Variants in MLLT3 observed in about 807,000 individuals in gnomAD.
MLLT3 encodes MLLT3 super elongation complex subunit.
Under a neutral mutation model 53.2 loss-of-function variants are expected in MLLT3, and 4 were observed. The observed-to-expected ratio is 0.08, with a 90% CI of 0.04 to 0.17. The LOEUF is 0.17. Among genes scored for constraint, MLLT3 ranks in the 10% least tolerant of loss-of-function variants. The probability of loss-of-function intolerance (pLI) is 1.00; values close to 1 mark genes in which losing one functional copy is unlikely to be tolerated. For missense variants in MLLT3, 569 were observed against 684.0 expected (o/e 0.83, Z 1.87); for synonymous variants, 283 against 230.6 (o/e 1.23, Z -2.06).
intron 4 of MLLT3, 152 bp downstream of exon 4, chr9:20,447,971 G>C: frequency 1.4e-6 from 1 of 713,220 alleles, no homozygotes; most frequent in Non-Finnish European, 2.2e-6. Flanking sequence ...CTCAACACAT[G>C]AATCCACAGC....
At chr9:20,420,339 G>A (rs563521513) in intron 4 of MLLT3, among the ~76,000 whole-genome samples, 29 of 152,208 alleles carry the variant, frequency 1.9e-4, no homozygotes, top group African/African-American at 6.7e-4. Flanking sequence ...ACAAAGATCA[G>A]ATAAAGGCTG....
intron 2 of MLLT3, among the ~76,000 whole-genome samples, chr9:20,587,926 T>G (rs1428059140): frequency 2.6e-5 from 4 of 152,008 alleles, no homozygotes; most frequent in Non-Finnish European, 5.9e-5. Flanking sequence ...CATGCCTATG[T>G]CCTGAATGGT....
At chr9:20,351,356 G>A (rs988305427) in intron 10 of MLLT3, among the ~76,000 whole-genome samples, 21 of 152,198 alleles carry the variant, frequency 1.4e-4, no homozygotes, top group Non-Finnish European at 2.8e-4. Context: ...GAGCTGAATT[G>A]CTGGGGAGGT....
At chr9:20,353,715 T>C (rs1450258796) in intron 9 of MLLT3, 119 bp from the exon 10 acceptor site, 5 of 828,542 alleles carry the variant, frequency 6.0e-6, no homozygotes, top group Admixed American at 3.7e-5. Context: ...ATTACACCAC[T>C]CTAGCCCAGG....
intron 4 of MLLT3, among the ~76,000 whole-genome samples, chr9:20,428,954 TTAA>T (rs1823199595): frequency 6.6e-6 from 1 of 152,120 alleles, no homozygotes; most frequent in Non-Finnish European, 1.5e-5. Flanking sequence ...GAATCCTGTA[TTAA>T]TATCAGATAA....
intron 2 of MLLT3, among the ~76,000 whole-genome samples, chr9:20,586,107 C>G (rs1203726255): frequency 6.6e-6 from 1 of 152,178 alleles, no homozygotes; most frequent in Non-Finnish European, 1.5e-5. Flanking sequence ...CACTTGCACT[C>G]AGGAGTTTGC....
At chr9:20,369,184 T>C (rs945522289) in intron 5 of MLLT3, among the ~76,000 whole-genome samples, 2 of 152,176 alleles carry the variant, frequency 1.3e-5, no homozygotes, top group African/African-American at 4.8e-5. Context: ...CAGAGACCGA[T>C]AATCACAGAA....
At chr9:20,580,111 A>G (rs1819754148) in intron 2 of MLLT3, among the ~76,000 whole-genome samples, 1 of 152,128 alleles carries the variant, frequency 6.6e-6, no homozygotes, top group Non-Finnish European at 1.5e-5. Context: ...CACAGTACAA[A>G]AAGTCTACTC....
intron 2 of MLLT3, among the ~76,000 whole-genome samples, chr9:20,615,424 T>C (rs1029394214): frequency 1.1e-5 from 1 of 91,962 alleles, no homozygotes; most frequent in African/African-American, 3.9e-5. Flanking sequence ...AGCTATAAAA[T>C]ATGCCCAGAA....
intron 2 of MLLT3, among the ~76,000 whole-genome samples, chr9:20,466,711 C>G (rs1019494043): frequency 2.0e-5 from 3 of 152,190 alleles, no homozygotes; most frequent in Non-Finnish European, 2.9e-5. Flanking sequence ...CTCTCATGGT[C>G]TCTGAATTGC....
intron 4 of MLLT3, among the ~76,000 whole-genome samples, chr9:20,429,559 G>A (rs200935984): frequency 1.3e-5 from 2 of 148,908 alleles, no homozygotes; most frequent in African/African-American, 5.1e-5. Flanking sequence ...GGGAAAAAAA[G>A]GAAAAAAATC....
chr9:20,414,149 A>G lies in MLLT3; in HGVS notation c.697T>C (p.Ser233Pro). The G allele has an allele frequency of 6.2e-7, 1 of 1,614,106 alleles. No individual in the cohort carries two copies. Among genetic ancestry groups the G allele is most frequent in the Admixed American group, 1.7e-5 (1 of 60,006 alleles). ...GGTTTATTTTCTTTGGGTTTCTTAGAGGATTCTTTGGAAGATTTGTTGTGA... is the reference window on the plus strand; with the variant it reads ...GGTTTATTTTCTTTGGGTTTCTTAGGGGATTCTTTGGAAGATTTGTTGTGA... ...RDHNKSSKES[S>P]KKPKENKPLK... Residue 233 changes from serine to proline, a missense_variant, in exon 5 of 11, where the codon TCT becomes CCT. By Grantham distance (74) the Ser-to-Pro change is moderately conservative. Transcript: ENST00000380338.
intron 2 of MLLT3, among the ~76,000 whole-genome samples, chr9:20,596,835 G>A (rs575575585): frequency 6.6e-5 from 10 of 152,290 alleles, no homozygotes; most frequent in Non-Finnish European, 4.4e-5. Flanking sequence ...GAAGCCAGTT[G>A]GAGTTCTGAC....
At chr9:20,503,996 A>G (rs1010974801) in intron 2 of MLLT3, among the ~76,000 whole-genome samples, 31 of 152,294 alleles carry the variant, frequency 2.0e-4, no homozygotes, top group African/African-American at 7.5e-4. Flanking sequence ...TTAATACCAC[A>G]ATGAGATATC....
intron 5 of MLLT3, among the ~76,000 whole-genome samples, chr9:20,408,144 T>G (rs747227570): frequency 6.6e-6 from 1 of 152,178 alleles, no homozygotes; most frequent in African/African-American, 2.4e-5. Flanking sequence ...TTTGCAAAGA[T>G]AGAGCCCCTG....
chr9:20,447,721 A>T (rs1176868123), intron 4 of MLLT3, among the ~76,000 whole-genome samples: 1 of 152,196 alleles, frequency 6.6e-6, no homozygotes, highest in Non-Finnish European at 1.5e-5. Flanking sequence ...ATTGTGATCA[A>T]GAAAATTTGG....
intron 2 of MLLT3, among the ~76,000 whole-genome samples, chr9:20,525,538 A>C (rs1457474356): frequency 6.6e-6 from 1 of 152,152 alleles, no homozygotes; most frequent in Non-Finnish European, 1.5e-5. Context: ...TTTTTACAGT[A>C]CTGAGGTTTT....
At chr9:20,397,159 G>C (rs1287210377) in intron 5 of MLLT3, among the ~76,000 whole-genome samples, 1 of 152,086 alleles carries the variant, frequency 6.6e-6, no homozygotes, top group Non-Finnish European at 1.5e-5. Context: ...TCCTTCTAGA[G>C]TCTGATAATT....
At chr9:20,479,697 C>G (rs926300995) in intron 2 of MLLT3, among the ~76,000 whole-genome samples, 1 of 152,126 alleles carries the variant, frequency 6.6e-6, no homozygotes, top group Non-Finnish European at 1.5e-5. Context: ...AGCTTTCCTT[C>G]CTGGGATGCT....
Sources: gnomAD v4.1 joint callset for allele counts (sites outside exome capture counted in the v4.1 genomes callset) on GRCh38, gnomAD v4.1.1 for gene constraint, MANE v1.5 for transcripts, NCBI Gene and HGNC (gene_info 2026-07-23, HGNC 2026-07-21) for gene names.